Variants in ADGRL3 observed in about 807,000 individuals in gnomAD.
The protein encoded by ADGRL3 is calcium-independent alpha-latrotoxin receptor 3.
ADGRL3 carries 62 observed loss-of-function variants against 153.5 expected under a neutral mutation model. The observed-to-expected ratio is 0.40, with a 90% CI of 0.33 to 0.50. ADGRL3 has a LOEUF of 0.50. Among genes scored for constraint, ADGRL3 ranks in the 20% least tolerant of loss-of-function variants. ADGRL3 has a pLI of 0.47. For missense variants in ADGRL3, 1,641 were observed against 1,859.4 expected (o/e 0.88, Z 2.16); for synonymous variants, 710 against 672.5 (o/e 1.06, Z -0.86).
At chr4:61,596,815 C>T (rs369356732) in intron 5 of ADGRL3, among the ~76,000 whole-genome samples, 9 of 152,090 alleles carry the variant, frequency 5.9e-5, no homozygotes, top group East Asian at 3.9e-4. Context: ...CTGTGATTGC[C>T]TTACTGCACT....
chr4:61,816,859 C>T lies in ADGRL3; in HGVS notation c.1480+2970C>T, dbSNP rs558797218. Among the ~76,000 whole-genome samples, 7 of 152,314 alleles carry T rather than the reference C, an allele frequency of 4.6e-5. No individual in the cohort carries two copies. The South Asian group carries it at 1.4e-3, about 32-fold the overall frequency. On this transcript the variant is annotated intron_variant, in intron 9 of 26. Transcript: ENST00000683033. ...GTAGCAGCTCTGGACCCAGCCATCC[C>T]TGAGCTCTCAGGGACCCAGGAAGCC...
At chr4:61,930,509 CAAAT>C (rs2098813412) in intron 13 of ADGRL3, among the ~76,000 whole-genome samples, 1 of 151,970 alleles carries the variant, frequency 6.6e-6, no homozygotes, top group Non-Finnish European at 1.5e-5. Context: ...GTAGTTATAA[CAAAT>C]AAACTCTGTA....
intron 1 of ADGRL3, among the ~76,000 whole-genome samples, chr4:61,320,965 C>T (rs770261565): frequency 2.6e-5 from 4 of 152,136 alleles, no homozygotes; most frequent in Non-Finnish European, 5.9e-5. Flanking sequence ...TATTCTTTGG[C>T]TCATGGCTTC....
chr4:61,857,005 T>TC (rs2098280183), intron 9 of ADGRL3, among the ~76,000 whole-genome samples: 10 of 118,244 alleles, frequency 8.5e-5, no homozygotes, highest in Admixed American at 1.6e-4. Context: ...TCTTTCTTTC[T>TC]TTCTTTCTTT....
intron 2 of ADGRL3, among the ~76,000 whole-genome samples, chr4:61,409,605 A>C (rs2097058743): frequency 1.3e-5 from 2 of 151,390 alleles, no homozygotes; most frequent in Admixed American, 1.3e-4. Context: ...AATTGTGTAG[A>C]GGTCTAAATG....
intron 5 of ADGRL3, among the ~76,000 whole-genome samples, chr4:61,672,216 A>G (rs2095032975): frequency 6.6e-6 from 1 of 152,052 alleles, no homozygotes; most frequent in Non-Finnish European, 1.5e-5. Context: ...AATCCATTTG[A>G]GTTGGCTTTT....
rs528173546 is a variant in ADGRL3 at position 61,726,888 on chromosome 4, T to C, written c.584-3734T>C. ...CATTGTAAATAGAAAATGTGTTCTA[T>C]GATTTTTATAGTTTAAAAGAAAATA... On this transcript the variant is annotated intron_variant, in intron 6 of 26. Coordinates refer to ENST00000683033, the MANE Select transcript of ADGRL3 (RefSeq NM_001387552.1). Among the ~76,000 whole-genome samples, 5 of 152,260 alleles carry C rather than the reference T, an allele frequency of 3.3e-5. No individual in the cohort carries two copies. The South Asian group carries it at 1.0e-3, about 32-fold the overall frequency.
Position 61,733,425 on chromosome 4 carries a change from C to T in ADGRL3, c.1270C>T (p.Pro424Ser). Residue 424 changes from proline to serine, a missense_variant, in exon 8 of 27, where the codon CCC (proline) becomes TCC (serine). Around this residue, in one of 5 missense-constraint regions of ADGRL3, gnomAD observed 734 missense variants for 797.0 expected, o/e 0.92. Transcript: ENST00000683033. ...DQSKDSLVDV[P>S]FPNSYQYIAA... Reference sequence around the variant, plus strand: ...AAGCAAGGATAGTTTGGTGGATGTACCCTTTCCTAATTCATACCAGTACAT... The same window carrying T: ...AAGCAAGGATAGTTTGGTGGATGTATCCTTTCCTAATTCATACCAGTACAT... 6.2e-7 allele frequency: 1 copy of T among 1,613,640 alleles called. No individual in the cohort carries two copies.
Position 61,723,075 on chromosome 4 carries a change from A to G in ADGRL3, c.584-7547A>G, listed in dbSNP as rs191681376. Among the ~76,000 whole-genome samples, 268 of 152,292 alleles carry G rather than the reference A, an allele frequency of 1.8e-3. 2 individuals carry two copies. The highest frequency in any genetic ancestry group is 6.0e-3 in the African/African-American group (248 of 41,568). On this transcript the variant is annotated intron_variant, in intron 6 of 26. Transcript: ENST00000683033. Reference sequence around the variant, plus strand: ...GAAGTTTAATTTTAGTCAAACTGTTATGCCTTGTGTTTCTAACTTCAGCTT... The same window carrying G: ...GAAGTTTAATTTTAGTCAAACTGTTGTGCCTTGTGTTTCTAACTTCAGCTT...
chr4:61,445,028 G>A (rs1312456598), intron 2 of ADGRL3, among the ~76,000 whole-genome samples: 1 of 147,392 alleles, frequency 6.8e-6, no homozygotes, highest in South Asian at 2.3e-4. Context: ...CTCCAGGCTG[G>A]GTGAAAGAGT....
intron 9 of ADGRL3, among the ~76,000 whole-genome samples, chr4:61,879,186 G>T (rs2098494403): frequency 6.6e-6 from 1 of 152,130 alleles, no homozygotes; most frequent in Non-Finnish European, 1.5e-5. Flanking sequence ...AACATTATGT[G>T]TTACTGAATA....
intron 4 of ADGRL3, among the ~76,000 whole-genome samples, chr4:61,566,641 T>C (rs2098817513): frequency 6.6e-6 from 1 of 152,148 alleles, no homozygotes; most frequent in South Asian, 2.1e-4. Flanking sequence ...TTTTAGTGTA[T>C]CTGATGAAGA....
intron 25 of ADGRL3, among the ~76,000 whole-genome samples, chr4:62,049,676 C>T (rs1048482527): frequency 6.6e-6 from 1 of 152,062 alleles, no homozygotes; most frequent in African/African-American, 2.4e-5. Context: ...TGAAAAGTGA[C>T]CCCACCTGTT....
chr4:61,686,248 GAATAGTAAAAGAC>G (rs1227670199), intron 6 of ADGRL3, among the ~76,000 whole-genome samples: 1 of 152,008 alleles, frequency 6.6e-6, no homozygotes, highest in Non-Finnish European at 1.5e-5. Flanking sequence ...CATACAAGAA[GAATAGTAAAAGAC>G]ATACAAAGGT....
chr4:61,278,139 A>AT lies in ADGRL3; in HGVS notation c.-240+76383dup, dbSNP rs201427733. Among the ~76,000 whole-genome samples the AT allele has an allele frequency of 7.1e-3, 1,067 of 151,312 alleles. 13 individuals are homozygous for AT. Among genetic ancestry groups the AT allele is most frequent in the African/African-American group, 0.024 (998 of 41,314 alleles). On this transcript the variant is annotated intron_variant, in intron 1 of 26. Coordinates refer to ENST00000683033, the MANE Select transcript of ADGRL3 (RefSeq NM_001387552.1). The stretch of plus-strand genomic sequence containing the variant: ...CAACTGAGACACAGCTGATCCTTTC[A>AT]TTTTTTTTTAAGAAAAAACCTATTA...
At chr4:61,291,238 G>A (rs2094185758) in intron 1 of ADGRL3, among the ~76,000 whole-genome samples, 1 of 96,788 alleles carries the variant, frequency 1.0e-5, no homozygotes, top group Non-Finnish European at 2.3e-5. Flanking sequence ...ACACCCCTCT[G>A]TGTCCATGGA....
At chr4:61,972,285 T>A (rs961715426) in intron 17 of ADGRL3, among the ~76,000 whole-genome samples, 1 of 152,188 alleles carries the variant, frequency 6.6e-6, no homozygotes, top group Non-Finnish European at 1.5e-5. Flanking sequence ...GTTTTTATGG[T>A]TTTAGGTCTA....
chr4:61,509,124 C>CTTTTTTTTTT (rs57550950), intron 3 of ADGRL3, among the ~76,000 whole-genome samples: 1 of 118,570 alleles, frequency 8.4e-6, no homozygotes, highest in Non-Finnish European at 1.7e-5. Flanking sequence ...CATATCACAT[C>CTTTTTTTTTT]TTTTTTTTTT....
intron 6 of ADGRL3, among the ~76,000 whole-genome samples, chr4:61,703,243 A>G (rs867985903): frequency 3.9e-5 from 6 of 152,134 alleles, no homozygotes; most frequent in Non-Finnish European, 4.4e-5. Context: ...CAGTAAATAA[A>G]TTTAAATGCT....
Sources: allele counts gnomAD v4.1 joint callset (sites outside exome capture counted in the v4.1 genomes callset), GRCh38; gene constraint gnomAD v4.1.1; regional missense constraint gnomAD v4.1.1; transcripts MANE v1.5; gene names NCBI Gene and HGNC (gene_info 2026-07-23, HGNC 2026-07-21).